The following MTHFD1L variants were observed in gnomAD, a reference collection of about 807,000 sequenced individuals.
MTHFD1L encodes the protein monofunctional C1-tetrahydrofolate synthase, mitochondrial.
MTHFD1L carries 81 observed loss-of-function variants against 119.5 expected under a neutral mutation model. That is an observed-to-expected ratio of 0.68 (90% confidence interval 0.57 to 0.82). MTHFD1L has a LOEUF of 0.82. Among genes scored for constraint, MTHFD1L ranks in the 40% least tolerant of loss-of-function variants. The pLI is 0.00. For synonymous variants in MTHFD1L, 430 were observed against 475.2 expected, an observed-to-expected ratio of 0.90 and a Z score of 1.24; for missense variants, 1,125 against 1,253.4, an observed-to-expected ratio of 0.90 and a Z score of 1.55.
chr6:151,075,492 TGAA>T (rs916100543), intron 26 of MTHFD1L, among the ~76,000 whole-genome samples: 8 of 150,248 alleles, frequency 5.3e-5, no homozygotes, highest in African/African-American at 2.0e-4. Flanking sequence ...TCAACATAAA[TGAA>T]GAAAAAAAAA....
intron 20 of MTHFD1L, among the ~76,000 whole-genome samples, chr6:150,981,417 G>T (rs1376481777): frequency 1.3e-5 from 2 of 152,144 alleles, no homozygotes; most frequent in Non-Finnish European, 2.9e-5. Context: ...AATACCCCAC[G>T]GTGCCTCTGA....
At chr6:150,974,481 A>G (rs1214373678) in intron 20 of MTHFD1L, among the ~76,000 whole-genome samples, 1 of 152,166 alleles carries the variant, frequency 6.6e-6, no homozygotes, top group Admixed American at 6.5e-5. Flanking sequence ...TACGTTCATT[A>G]GTGAAGTACA....
chr6:151,092,506 T>C lies in MTHFD1L; in HGVS notation c.2887T>C (p.Tyr963His). ...AGGACTGCCCACCCGGCCCTGCTTT[T>C]ATGACATAGATCTTGATACCGAAAC... ...MPGLPTRPCF[Y>H]DIDLDTETEQ... The change falls in exon 27 of 28, where the codon TAT becomes CAT. Residue 963 changes from tyrosine to histidine, a missense_variant. Tyr to His is a moderately conservative substitution (Grantham distance 83, BLOSUM62 2). Around this residue, in one of 3 missense-constraint regions of MTHFD1L, gnomAD observed 61 missense variants for 78.9 expected, o/e 0.77. Coordinates refer to ENST00000367321, the MANE Select transcript of MTHFD1L (RefSeq NM_015440.5). 1.2e-6 allele frequency: 2 copies of C among 1,614,204 alleles called. No homozygotes were observed. Among genetic ancestry groups the C allele is most frequent in the Non-Finnish European group, 1.7e-6 (2 of 1,180,038 alleles).
chr6:150,914,105 G>A (rs62431897), intron 8 of MTHFD1L, among the ~76,000 whole-genome samples: 24,159 of 152,100 alleles, frequency 0.16, 2,262 homozygotes, highest in East Asian at 0.28. Flanking sequence ...ACTCCAGCCT[G>A]GGCGACAGAG....
chr6:151,000,624 A>G (rs535426890), intron 20 of MTHFD1L, among the ~76,000 whole-genome samples: 3 of 152,362 alleles, frequency 2.0e-5, no homozygotes, highest in African/African-American at 7.2e-5. Flanking sequence ...TTTCTCTTAT[A>G]GTTAATTGAA....
At chr6:150,966,390 G>A (rs1467867702) in intron 19 of MTHFD1L, among the ~76,000 whole-genome samples, 1 of 152,150 alleles carries the variant, frequency 6.6e-6, no homozygotes, top group African/African-American at 2.4e-5. Flanking sequence ...TCACAATCAT[G>A]AGAACAGCAA....
At chr6:151,027,860 G>C (rs1784796542) in intron 24 of MTHFD1L, among the ~76,000 whole-genome samples, 1 of 152,144 alleles carries the variant, frequency 6.6e-6, no homozygotes, top group South Asian at 2.1e-4. Flanking sequence ...TCTGGCCATG[G>C]GCTTTTGAGC....
At chr6:150,871,664 G>A (rs1022554765) in intron 1 of MTHFD1L, among the ~76,000 whole-genome samples, 37 of 150,800 alleles carry the variant, frequency 2.5e-4, no homozygotes, top group Admixed American at 2.4e-3. Flanking sequence ...ACCACGCCTG[G>A]CTAATTTTTT....
intron 10 of MTHFD1L, among the ~76,000 whole-genome samples, chr6:150,923,314 G>T (rs944952519): frequency 2.0e-5 from 3 of 151,986 alleles, no homozygotes; most frequent in African/African-American, 7.2e-5. Flanking sequence ...ATTGGGTAGG[G>T]ATGATGTCTG....
Position 150,945,497 on chromosome 6 carries a change from A to G in MTHFD1L, c.1579A>G (p.Asn527Asp), listed in dbSNP as rs1793774583. The change falls in exon 15 of 28, where the codon AAT (asparagine) becomes GAT (aspartate). Residue 527 changes from asparagine to aspartate, a missense_variant. Asn to Asp is a conservative substitution (Grantham distance 23). Transcript: ENST00000367321. ...ALYNRLVPLVNGVREFSEIQL... is the reference protein window; with the variant it reads ...ALYNRLVPLVDGVREFSEIQL... ...GTATAATCGGCTGGTTCCTTTAGTGAATGGTGTCAGAGAATTTTCAGAAAT... is the reference window on the plus strand; with the variant it reads ...GTATAATCGGCTGGTTCCTTTAGTGGATGGTGTCAGAGAATTTTCAGAAAT... 3.1e-6 allele frequency: 5 copies of G among 1,613,908 alleles called. No individual in the cohort carries two copies. Among genetic ancestry groups the G allele is most frequent in the Non-Finnish European group, 4.2e-6 (5 of 1,180,008 alleles).
At chr6:150,961,797 T>G (rs1796492872) in intron 18 of MTHFD1L, among the ~76,000 whole-genome samples, 2 of 152,180 alleles carry the variant, frequency 1.3e-5, no homozygotes. Flanking sequence ...AACCCTCAGG[T>G]TGCTATAAAA....
At position 150,960,349 on chromosome 6, in the gene MTHFD1L, G is replaced by T; in HGVS notation, c.1878G>T (p.Lys626Asn). 4 of 1,614,096 alleles carry T rather than the reference G, an allele frequency of 2.5e-6. No individual in the cohort carries two copies. Among genetic ancestry groups the T allele is most frequent in the Non-Finnish European group, 3.4e-6 (4 of 1,179,984 alleles). The change falls in exon 18 of 28, where the codon AAG (lysine) becomes AAT (asparagine). Residue 626 changes from lysine (K) to asparagine (N), a missense_variant. By Grantham distance (94) the Lys-to-Asn change is moderately conservative. Around this residue, in one of 3 missense-constraint regions of MTHFD1L, gnomAD observed 1,058 missense variants for 1,151.2 expected, o/e 0.92. Coordinates refer to ENST00000367321, the MANE Select transcript of MTHFD1L (RefSeq NM_015440.5). ...LALTDSLADM[K>N]ARLGRMVVAS... ...TGACGGACAGCCTCGCAGACATGAA[G>T]GCACGGCTGGGAAGGATGGTGGTGG...
intron 13 of MTHFD1L, 37 bp downstream of exon 13, chr6:150,938,782 T>C: frequency 6.3e-7 from 1 of 1,580,566 alleles, no homozygotes. Context: ...GCTATCACTG[T>C]GTTTCCTTCC....
intron 26 of MTHFD1L, among the ~76,000 whole-genome samples, chr6:151,091,044 G>GTT (rs1794363124): frequency 7.5e-6 from 1 of 134,086 alleles, no homozygotes; most frequent in Non-Finnish European, 1.6e-5. Context: ...GTGCAGCATC[G>GTT]CCCCATGCGA....
intron 20 of MTHFD1L, among the ~76,000 whole-genome samples, chr6:151,008,682 T>C (rs755740652): frequency 2.1e-4 from 32 of 152,054 alleles, no homozygotes; most frequent in Non-Finnish European, 4.0e-4. Context: ...TAGAAACGAG[T>C]GTTTTCTGGT....
intron 18 of MTHFD1L, among the ~76,000 whole-genome samples, chr6:150,963,281 T>C (rs1027372588): frequency 2.0e-5 from 3 of 152,186 alleles, no homozygotes; most frequent in African/African-American, 7.2e-5. Context: ...ATTCATATCA[T>C]GTGTGTTTTA....
intron 1 of MTHFD1L, among the ~76,000 whole-genome samples, chr6:150,868,092 G>C (rs977253584): frequency 6.6e-6 from 1 of 152,008 alleles, no homozygotes; most frequent in South Asian, 2.1e-4. Context: ...GACCCACCGC[G>C]CCTGGGCTAT....
chr6:150,999,154 C>G (rs1780255900), intron 20 of MTHFD1L, among the ~76,000 whole-genome samples: 1 of 152,122 alleles, frequency 6.6e-6, no homozygotes, highest in Non-Finnish European at 1.5e-5. Flanking sequence ...CCAAAAATCA[C>G]TTCAGTCTGG....
At chr6:151,007,548 A>G (rs540689718) in intron 20 of MTHFD1L, among the ~76,000 whole-genome samples, 150 of 152,224 alleles carry the variant, frequency 9.9e-4, no homozygotes, top group Middle Eastern at 3.4e-3. Flanking sequence ...CCCTTCCAAC[A>G]AGGAACTTGC....
Sources: gnomAD v4.1 joint callset for allele counts (sites outside exome capture counted in the v4.1 genomes callset) on GRCh38, gnomAD v4.1.1 for gene constraint, gnomAD v4.1.1 regional missense constraint, MANE v1.5 for transcripts, NCBI Gene and HGNC (gene_info 2026-07-23, HGNC 2026-07-21) for gene names.